Variants in SARS1 observed in about 807,000 individuals in gnomAD.
The protein encoded by SARS1 is seryl-tRNA synthetase 1.
In SARS1, 25 loss-of-function variants were observed where a neutral mutation model predicts 63.7. The ratio of observed to expected loss-of-function variants is 0.39; its 90% confidence interval spans 0.29 to 0.55. The LOEUF (loss-of-function observed/expected upper bound fraction) is 0.55, where lower values mean the gene tolerates loss of function less well. SARS1 is among the 20% of genes least tolerant of loss of function. The pLI is 0.62. For synonymous variants in SARS1, 231 were observed against 243.5 expected, an observed-to-expected ratio of 0.95 and a Z score of 0.48; for missense variants, 417 against 649.7, an observed-to-expected ratio of 0.64 and a Z score of 3.89.
intron 5 of SARS1, 187 bp downstream of exon 5, chr1:109,231,208 G>A: frequency 3.1e-6 from 1 of 322,434 alleles, no homozygotes; most frequent in Non-Finnish European, 5.3e-6. Context: ...GCAAGAGAGG[G>A]CTTATCAGGA....
At chr1:109,216,130 C>G in intron 1 of SARS1, 1 of 985,458 alleles carries the variant, frequency 1.0e-6, no homozygotes, top group Non-Finnish European at 1.2e-6. Context: ...AAGGTAGACA[C>G]TGGCAGATTT....
In SARS1 at chr1:109,214,149, G is replaced by C. The variant is rs78706072; in HGVS notation, c.136+21G>C. The C allele has an allele frequency of 6.2e-7, 1 of 1,611,826 alleles. No individual in the cohort carries two copies. Among genetic ancestry groups the C allele is most frequent in the African/African-American group, 1.3e-5 (1 of 74,924 alleles). ...ACGATGTAAGTACCGGGACGGGCGG[G>C]TTACCTCCTTGATGCTAAACCCAAT... On this transcript the variant is annotated intron_variant, in intron 1 of 10. Coordinates refer to ENST00000234677, the MANE Select transcript of SARS1 (RefSeq NM_006513.4). The surrounding 1 kb of genome is among the most constrained non-coding windows in gnomAD (Gnocchi z 4.6).
chr1:109,231,076 T>A, intron 5 of SARS1, 55 bp downstream of exon 5: 3 of 966,326 alleles, frequency 3.1e-6, no homozygotes, highest in Non-Finnish European at 3.9e-6. Flanking sequence ...AAAATATATA[T>A]ATATATATTT....
At chr1:109,232,164 G>A (rs910015082) in intron 6 of SARS1, among the ~76,000 whole-genome samples, 1 of 152,172 alleles carries the variant, frequency 6.6e-6, no homozygotes, top group African/African-American at 2.4e-5. Context: ...CTCCTAGCCT[G>A]CTTCCCATGT....
chr1:109,223,697 G>A lies in SARS1; in HGVS notation c.137-281G>A, dbSNP rs141607716. Among the ~76,000 whole-genome samples, 46 of 152,268 alleles carry A rather than the reference G, an allele frequency of 3.0e-4. No homozygotes were observed. The East Asian group carries it at 7.3e-3, about 24-fold the overall frequency. ...CGGGCACCTATAATCCCAGCTACTC[G>A]GGAGGTTGTGGCAGGAGAACCGCTT... On this transcript the variant is annotated intron_variant, in intron 1 of 10. Coordinates refer to ENST00000234677, the MANE Select transcript of SARS1 (RefSeq NM_006513.4).
At chr1:109,223,618 A>G (rs994634360) in intron 1 of SARS1, among the ~76,000 whole-genome samples, 1 of 152,148 alleles carries the variant, frequency 6.6e-6, no homozygotes, top group Non-Finnish European at 1.5e-5. Flanking sequence ...AGCCTGGCCA[A>G]CATGGTGAAA....
chr1:109,230,819 A>G (rs1570761045), intron 4 of SARS1, 59 bp from the exon 5 acceptor site: 7 of 1,477,136 alleles, frequency 4.7e-6, no homozygotes, highest in Non-Finnish European at 6.4e-6. Context: ...AAAAAAAAAT[A>G]ATTTAAAAAT....
chr1:109,230,804 C>CA, intron 4 of SARS1, 74 bp from the exon 5 acceptor site: 1 of 1,366,300 alleles, frequency 7.3e-7, no homozygotes, highest in Non-Finnish European at 9.9e-7. Flanking sequence ...GACCCTGTCT[C>CA]CAAAAAAAAA....
At chr1:109,217,933 T>C (rs61799425) in intron 1 of SARS1, among the ~76,000 whole-genome samples, 7,914 of 152,182 alleles carry the variant, frequency 0.052, 299 homozygotes, top group Non-Finnish European at 0.075. Flanking sequence ...GACTCACTCC[T>C]GTAATCCCAG....
chr1:109,222,012 T>A (rs7537308), intron 1 of SARS1, among the ~76,000 whole-genome samples: 17 of 24,386 alleles, frequency 7.0e-4, no homozygotes, highest in African/African-American at 3.5e-3. Context: ...ATATATATAT[T>A]TTTTTTTTTT....
At chr1:109,231,606 T>C (rs763421026) in intron 5 of SARS1, 25 bp from the exon 6 acceptor site, 3 of 1,433,996 alleles carry the variant, frequency 2.1e-6, no homozygotes, top group African/African-American at 2.9e-5. Flanking sequence ...CCCAATCACA[T>C]AGTACTGTGT....
At chr1:109,229,691 A>G in intron 4 of SARS1, 119 bp downstream of exon 4, 1 of 1,007,632 alleles carries the variant, frequency 9.9e-7, no homozygotes, top group Non-Finnish European at 1.5e-6. Flanking sequence ...TTCTTTGTAT[A>G]TTCCCTCTGC....
At chr1:109,232,430 T>C (rs1301201313) in intron 6 of SARS1, among the ~76,000 whole-genome samples, 1 of 152,244 alleles carries the variant, frequency 6.6e-6, no homozygotes, top group Non-Finnish European at 1.5e-5. Flanking sequence ...CAGTGTCTAC[T>C]ATTCATTTGT....
intron 2 of SARS1, among the ~76,000 whole-genome samples, chr1:109,227,861 G>A: frequency 6.6e-6 from 1 of 150,528 alleles, no homozygotes; most frequent in Admixed American, 6.7e-5. Flanking sequence ...GGAGCTTGCA[G>A]TGAGCCCAGA....
intron 1 of SARS1, among the ~76,000 whole-genome samples, chr1:109,217,550 A>T (rs1008195337): frequency 7.4e-5 from 11 of 148,862 alleles, no homozygotes; most frequent in Admixed American, 4.7e-4. Flanking sequence ...TATATATATA[A>T]ATATATATAT....
At chr1:109,234,895 G>C (rs913972897) in intron 6 of SARS1, among the ~76,000 whole-genome samples, 2 of 152,200 alleles carry the variant, frequency 1.3e-5, no homozygotes, top group Non-Finnish European at 2.9e-5. Flanking sequence ...GAACCTGGGA[G>C]GTGGAGGTTG....
At chr1:109,221,845 A>G (rs1322903095) in intron 1 of SARS1, among the ~76,000 whole-genome samples, 1 of 149,598 alleles carries the variant, frequency 6.7e-6, no homozygotes, top group African/African-American at 2.5e-5. Flanking sequence ...TTTGAGATAG[A>G]GTCTTGTTCT....
At chr1:109,222,981 C>T (rs1438895989) in intron 1 of SARS1, among the ~76,000 whole-genome samples, 1 of 152,230 alleles carries the variant, frequency 6.6e-6, no homozygotes, top group Non-Finnish European at 1.5e-5. Context: ...TGCCACTGCA[C>T]TCCAGCCTAG....
At position 109,222,006 on chromosome 1, in the gene SARS1, A is replaced by T. The variant is rs1334490048; in HGVS notation, c.137-1972A>T. ...TATATATATATATATATATATATAT[A>T]TATATTTTTTTTTTTTTTTTTTTTT... On this transcript the variant is annotated intron_variant, in intron 1 of 10. Coordinates refer to ENST00000234677, the MANE Select transcript of SARS1 (RefSeq NM_006513.4). Among the ~76,000 whole-genome samples the T allele has an allele frequency of 8.5e-3, 94 of 11,098 alleles. 37 individuals are homozygous for T. Among genetic ancestry groups the T allele is most frequent in the South Asian group, 0.026 (4 of 156 alleles). The allele number at this position is 11,098 out of a possible 152,430, so 7.3% of individuals were successfully genotyped here. A position where few individuals can be genotyped will look rare whatever the true frequency, so the allele number is the denominator to read the frequency against.
Sources: allele counts gnomAD v4.1 joint callset (sites outside exome capture counted in the v4.1 genomes callset), GRCh38; gene constraint gnomAD v4.1.1; non-coding constraint Gnocchi (gnomAD v3.1); transcripts MANE v1.5; gene names NCBI Gene and HGNC (gene_info 2026-07-23, HGNC 2026-07-21).